The following WDR44 variants were observed in gnomAD, a reference collection of about 807,000 sequenced individuals.
WDR44 encodes the protein WD repeat domain 44, also known as WD repeat-containing protein 44.
Under a neutral mutation model 65.7 loss-of-function variants are expected in WDR44, and 9 were observed. The ratio of observed to expected loss-of-function variants is 0.14; its 90% CI spans 0.08 to 0.24. WDR44 has a LOEUF of 0.24. WDR44 is among the 10% of genes least tolerant of loss of function. The probability of loss-of-function intolerance (pLI) is 1.00; values close to 1 mark genes in which losing one functional copy is unlikely to be tolerated. For missense variants in WDR44, 425 were observed against 670.9 expected (o/e 0.63, Z 4.05); for synonymous variants, 220 against 235.2 (o/e 0.94, Z 0.59).
rs369392677 is a variant in WDR44 at position 118,442,848 on chromosome X, C to T, written c.2384+168C>T. Among the ~76,000 whole-genome samples the T allele has an allele frequency of 5.3e-3, 595 of 111,764 alleles. 3 individuals carry two copies. Among genetic ancestry groups the T allele is most frequent in the South Asian group, 0.034 (93 of 2,703 alleles). On this transcript the variant is annotated intron_variant, in intron 17 of 19. Transcript: ENST00000254029. ...GTCCACCTATATAGTATATAGAATT[C>T]GAATTGACCCTGTTCTGCAAATGAA...
intron 14 of WDR44, among the ~76,000 whole-genome samples, chrX:118,440,655 G>A (rs1256937344): frequency 1.8e-5 from 2 of 111,518 alleles, no homozygotes; most frequent in African/African-American, 6.5e-5. Context: ...ATGTTGAAAA[G>A]TGCTACCTAC....
At chrX:118,349,546 T>A (rs1415847925) in intron 1 of WDR44, among the ~76,000 whole-genome samples, 2 of 105,086 alleles carry the variant, frequency 1.9e-5, no homozygotes, top group Non-Finnish European at 3.9e-5. Flanking sequence ...TCTTCATTTT[T>A]ACATATGAGG....
intron 3 of WDR44, among the ~76,000 whole-genome samples, chrX:118,390,217 C>T (rs73599056): frequency 0.051 from 5,616 of 110,695 alleles, 340 homozygotes; most frequent in African/African-American, 0.17. Flanking sequence ...TCACCGTGTC[C>T]GGTCACAGTG....
At chrX:118,444,639 G>C in intron 19 of WDR44, 145 bp downstream of exon 19, 4 of 748,903 alleles carry the variant, frequency 5.3e-6, no homozygotes, top group Non-Finnish European at 7.4e-6. Flanking sequence ...CTGTCACCCA[G>C]GCTGGAGCGC....
Position 118,386,951 on chromosome X carries a change from G to A in WDR44, c.112-389G>A, listed in dbSNP as rs193052202. ...AATCCCAGCACTTTGGGAGGCTGAG[G>A]TGGGTAGATCACTTGAGGTCAGGAG... On this transcript the variant is annotated intron_variant, in intron 2 of 19. Transcript: ENST00000254029. Among the ~76,000 whole-genome samples the A allele has an allele frequency of 8.3e-4, 92 of 110,596 alleles. 1 individual carries two copies. The highest frequency in any genetic ancestry group is 3.0e-3 in the African/African-American group (90 of 30,371).
At chrX:118,364,303 T>A (rs953043543) in intron 1 of WDR44, among the ~76,000 whole-genome samples, 1 of 112,016 alleles carries the variant, frequency 8.9e-6, no homozygotes, top group Admixed American at 9.5e-5. Context: ...AAAGCACTTC[T>A]AGCTCTCTGT....
chrX:118,438,795 A>ATTTTTTTTTTTTTTTTTT (rs2057276055), intron 14 of WDR44, among the ~76,000 whole-genome samples: 1 of 62,551 alleles, frequency 1.6e-5, no homozygotes, highest in Admixed American at 2.2e-4. Context: ...CTGTTCAGCC[A>ATTTTTTTTTTTTTTTTTT]TGTTTTTTTT....
intron 14 of WDR44, among the ~76,000 whole-genome samples, chrX:118,437,965 G>A (rs2057267622): frequency 9.0e-6 from 1 of 110,639 alleles, no homozygotes; most frequent in Non-Finnish European, 1.9e-5. Context: ...GAACCCAGGA[G>A]GCAGAGGCTG....
chrX:118,400,573 T>C (rs2056902733), intron 8 of WDR44, among the ~76,000 whole-genome samples: 1 of 111,419 alleles, frequency 9.0e-6, no homozygotes, highest in South Asian at 3.7e-4. Flanking sequence ...TTAAAAATGG[T>C]TTATCATCTG....
chrX:118,376,515 A>G (rs1047578745), intron 1 of WDR44, among the ~76,000 whole-genome samples: 8 of 111,232 alleles, frequency 7.2e-5, no homozygotes, highest in Non-Finnish European at 1.3e-4. Flanking sequence ...TTTCAATTCA[A>G]ATTTGCATCA....
At chrX:118,424,982 A>G (rs1168454068) in intron 12 of WDR44, among the ~76,000 whole-genome samples, 1 of 111,901 alleles carries the variant, frequency 8.9e-6, no homozygotes, top group Non-Finnish European at 1.9e-5. Flanking sequence ...GGCAGGGAGT[A>G]AATAAGGTGG....
chrX:118,400,670 G>T (rs200952773), intron 8 of WDR44, among the ~76,000 whole-genome samples: 43 of 70,657 alleles, frequency 6.1e-4, no homozygotes, highest in Non-Finnish European at 1.1e-3. Flanking sequence ...AATCAGTTTT[G>T]TTTTTTTTTT....
intron 2 of WDR44, among the ~76,000 whole-genome samples, chrX:118,379,952 A>G (rs1217771530): frequency 9.0e-6 from 1 of 111,499 alleles, no homozygotes; most frequent in Non-Finnish European, 1.9e-5. Context: ...GTTTATGCTT[A>G]TAGGTCTTAA....
chrX:118,421,087 A>G lies in WDR44; in HGVS notation c.1737+10128A>G, dbSNP rs1019545368. Among the ~76,000 whole-genome samples the G allele has an allele frequency of 3.6e-5, 4 of 111,626 alleles. No individual in the cohort carries two copies. In the Admixed American group the frequency reaches 3.9e-4, roughly 11 times the overall value. ...TCATCTTTCTATTCAAAGCATGCCC[A>G]TTCTTCATGGCCCGCTTCCTCCATA... On this transcript the variant is annotated intron_variant, in intron 12 of 19. Transcript: ENST00000254029.
upstream of WDR44, chrX:118,346,084 C>A: frequency 3.3e-6 from 1 of 298,766 alleles, no homozygotes; most frequent in East Asian, 4.7e-5. Flanking sequence ...CCTCCGAAAT[C>A]TCGCGAGGGT....
chrX:118,444,525 T>A (rs1434040452), intron 19 of WDR44, 31 bp downstream of exon 19: 1 of 1,196,046 alleles, frequency 8.4e-7, no homozygotes, highest in East Asian at 3.0e-5. Flanking sequence ...TATTTTTTTC[T>A]AGTCAGCACT....
chrX:118,364,866 T>G (rs1460254737), intron 1 of WDR44, among the ~76,000 whole-genome samples: 3 of 112,544 alleles, frequency 2.7e-5, no homozygotes, highest in Non-Finnish European at 5.6e-5. Context: ...AAAGCCTATC[T>G]CTTTGTAATT....
At chrX:118,439,732 GGTT>G (rs1250561358) in intron 14 of WDR44, among the ~76,000 whole-genome samples, 3 of 110,622 alleles carry the variant, frequency 2.7e-5, no homozygotes, top group Non-Finnish European at 5.7e-5. Context: ...GTCTTTGACA[GGTT>G]TCAGAGATGG....
intron 1 of WDR44, among the ~76,000 whole-genome samples, chrX:118,354,798 T>C (rs757944870): frequency 9.8e-5 from 11 of 111,983 alleles, no homozygotes; most frequent in Non-Finnish European, 1.7e-4. Flanking sequence ...TAATAGACTA[T>C]TCCAGTACAA....
Sources: allele counts gnomAD v4.1 joint callset (sites outside exome capture counted in the v4.1 genomes callset), GRCh38; gene constraint gnomAD v4.1.1; transcripts MANE v1.5; gene names NCBI Gene and HGNC (gene_info 2026-07-23, HGNC 2026-07-21).